AR: variants seen among roughly 807,000 people sequenced by gnomAD.
The protein encoded by AR is androgen receptor, also known as dihydrotestosterone receptor.
AR carries 8 observed loss-of-function variants against 53.9 expected under a neutral mutation model. The observed-to-expected ratio is 0.15, with a 90% CI of 0.09 to 0.27. The LOEUF is 0.27. Ranked by LOEUF, AR falls within the 10% of genes least tolerant of loss-of-function variation. AR has a pLI of 1.00. For synonymous variants in AR, 359 were observed against 316.4 expected (o/e 1.13, Z -1.43); for missense variants, 639 against 742.5 (o/e 0.86, Z 1.62).
At chrX:67,596,826 A>G (rs1429476617) in intron 1 of AR, among the ~76,000 whole-genome samples, 1 of 112,199 alleles carries the variant, frequency 8.9e-6, no homozygotes, top group Non-Finnish European at 1.9e-5. Flanking sequence ...AATAAAGTGT[A>G]CCCTGATTTG....
chrX:67,629,783 A>G (rs1430716942), intron 1 of AR, among the ~76,000 whole-genome samples: 2 of 110,155 alleles, frequency 1.8e-5, no homozygotes, highest in East Asian at 5.8e-4. Context: ...TTAGTGCTAT[A>G]AATTTCCCTC....
intron 1 of AR, among the ~76,000 whole-genome samples, chrX:67,613,733 A>G (rs1176701281): frequency 8.9e-6 from 1 of 111,862 alleles, no homozygotes; most frequent in African/African-American, 3.2e-5. Flanking sequence ...CTGGCCCTAC[A>G]TTTTCTAAAT....
At chrX:67,695,175 A>G in intron 3 of AR, 1 of 756,779 alleles carries the variant, frequency 1.3e-6, no homozygotes, top group Non-Finnish European at 1.6e-6. Flanking sequence ...ACAAGAAGCA[A>G]CTGTGTCTGT....
At position 67,643,305 on chromosome X, in the gene AR, C is replaced by T. The variant is rs1256946060; in HGVS notation, c.1666C>T (p.Pro556Ser). 1 of 1,211,255 alleles carries T rather than the reference C, an allele frequency of 8.3e-7. No individual in the cohort carries two copies. Among genetic ancestry groups the T allele is most frequent in the Admixed American group, 2.2e-5 (1 of 45,884 alleles). ...HVLPIDYYFP[P>S]QKTCLICGDE... is the part of the protein sequence containing the mutation. ...TTTGCCCATTGACTATTACTTTCCA[C>T]CCCAGAAGACCTGCCTGATCTGTGG... The change falls in exon 2 of 8, where the codon CCC (proline) becomes TCC (serine). Residue 556 changes from proline to serine, a missense_variant. Transcript: ENST00000374690.
intron 1 of AR, among the ~76,000 whole-genome samples, chrX:67,580,681 C>CT (rs1922258629): frequency 9.0e-6 from 1 of 111,518 alleles, no homozygotes; most frequent in Non-Finnish European, 1.9e-5. Flanking sequence ...GTTTTTTCTT[C>CT]TTTTTTTACC....
chrX:67,717,737 G>A (rs771962108), intron 5 of AR, 115 bp downstream of exon 5: 11 of 1,038,426 alleles, frequency 1.1e-5, no homozygotes, highest in African/African-American at 5.5e-5. Flanking sequence ...TGCAGTTGTC[G>A]CAGCGGATGC....
chrX:67,671,370 A>G (rs543190869), intron 2 of AR, among the ~76,000 whole-genome samples: 1 of 105,162 alleles, frequency 9.5e-6, no homozygotes, highest in Non-Finnish European at 2.0e-5. Context: ...GCTTTTTTTC[A>G]TGTTTGTTGG....
intron 3 of AR, among the ~76,000 whole-genome samples, chrX:67,700,245 A>G (rs1261510912): frequency 8.9e-6 from 1 of 111,773 alleles, no homozygotes; most frequent in African/African-American, 3.3e-5. Context: ...TTATCACTCC[A>G]TTTAAGTAAA....
intron 3 of AR, among the ~76,000 whole-genome samples, chrX:67,692,978 C>T (rs1038164437): frequency 8.9e-6 from 1 of 112,717 alleles, no homozygotes; most frequent in South Asian, 3.7e-4. Context: ...GTCTCTCTAA[C>T]TGTAGTTCTT....
intron 3 of AR, chrX:67,695,885 A>G: frequency 6.6e-6 from 5 of 753,565 alleles, no homozygotes; most frequent in Non-Finnish European, 7.8e-6. Context: ...ATTCTGGAGA[A>G]AAGCCAAGGA....
At chrX:67,709,764 A>G (rs978165441) in intron 3 of AR, among the ~76,000 whole-genome samples, 3 of 112,010 alleles carry the variant, frequency 2.7e-5, no homozygotes, top group African/African-American at 9.8e-5. Flanking sequence ...AGCTGTTCCT[A>G]TTCGGCCATC....
intron 1 of AR, among the ~76,000 whole-genome samples, chrX:67,573,369 ATATT>A (rs1242859489): frequency 4.5e-5 from 5 of 111,588 alleles, no homozygotes; most frequent in Non-Finnish European, 9.4e-5. Flanking sequence ...CCCTGGGTTG[ATATT>A]TATTTATCTT....
At chrX:67,636,803 G>A (rs1032097254) in intron 1 of AR, among the ~76,000 whole-genome samples, 3 of 111,616 alleles carry the variant, frequency 2.7e-5, no homozygotes, top group African/African-American at 9.8e-5. Context: ...GGGGAGTCAG[G>A]GAGAAGCAGA....
intron 1 of AR, among the ~76,000 whole-genome samples, chrX:67,609,048 G>A (rs1216843887): frequency 9.0e-6 from 1 of 110,584 alleles, no homozygotes. Flanking sequence ...GTTTTGAATA[G>A]TACAGATATA....
chrX:67,598,771 ATT>A (rs373222096), intron 1 of AR, among the ~76,000 whole-genome samples: 1 of 104,357 alleles, frequency 9.6e-6, no homozygotes, highest in Admixed American at 1.0e-4. Context: ...TCTCACCTCA[ATT>A]TTTTTTTTTC....
In AR at chrX:67,724,847, T is replaced by C. The variant is rs908148294; in HGVS notation, c.*1006T>C. On this transcript the variant is annotated 3_prime_UTR_variant, in exon 8 of 8. Coordinates refer to ENST00000374690, the MANE Select transcript of AR (RefSeq NM_000044.6). ...GACTTCCACAGAAAAGTCTGACCAC[T>C]GAGAAGAAGGAGAGCAGAGATTTAA... The C allele has an allele frequency of 2.5e-4, 44 of 173,279 alleles. No homozygotes were observed. Among genetic ancestry groups the C allele is most frequent in the African/African-American group, 1.1e-3 (38 of 33,606 alleles). The allele number at this position is 173,279 out of a possible 1,213,427, so 14.3% of individuals were successfully genotyped here.
At chrX:67,674,708 T>C (rs1249950898) in intron 2 of AR, among the ~76,000 whole-genome samples, 2 of 111,054 alleles carry the variant, frequency 1.8e-5, no homozygotes, top group African/African-American at 6.6e-5. Flanking sequence ...TGGGCTCCTC[T>C]CTGGCCCAGG....
chrX:67,652,770 T>C (rs58128974), intron 2 of AR, among the ~76,000 whole-genome samples: 7,677 of 111,722 alleles, frequency 0.069, 664 homozygotes, highest in African/African-American at 0.24. Context: ...TGTGTGAGAC[T>C]GTCTTCTGTA....
chrX:67,597,028 G>A (rs757028138), intron 1 of AR, among the ~76,000 whole-genome samples: 3 of 112,105 alleles, frequency 2.7e-5, no homozygotes, highest in Non-Finnish European at 3.8e-5. Flanking sequence ...ACATAACTAG[G>A]AAGTTATTTG....
Sources: gnomAD v4.1 joint callset for allele counts (sites outside exome capture counted in the v4.1 genomes callset) on GRCh38, gnomAD v4.1.1 for gene constraint, MANE v1.5 for transcripts, NCBI Gene and HGNC (gene_info 2026-07-23, HGNC 2026-07-21) for gene names.